Variants in WDR76 observed in about 807,000 individuals in gnomAD.
The protein encoded by WDR76 is WD repeat domain 76.
In WDR76, 52 loss-of-function variants were observed where a neutral mutation model predicts 70.2. That is an observed-to-expected ratio of 0.74 (90% CI 0.59 to 0.93). The LOEUF is 0.93. Among genes scored for constraint, WDR76 ranks in the 40% least tolerant of loss-of-function variants. The pLI is 0.00. For missense variants in WDR76, 756 were observed against 760.2 expected, an observed-to-expected ratio of 0.99 and a Z score of 0.07; for synonymous variants, 292 against 271.1, an observed-to-expected ratio of 1.08 and a Z score of -0.76.
rs1273730288 is a variant in WDR76, at chr15:43,844,001, AG to A, written c.980del (p.Arg327LysfsTer4). 6.2e-7 allele frequency: 1 copy of A among 1,613,976 alleles called. No homozygotes were observed. Among genetic ancestry groups the A allele is most frequent in the African/African-American group, 1.3e-5 (1 of 75,062 alleles). ...TATGGCTCTCCATCCATCAGAAACT[AG>A]AACTTTGGTAGCAGTTGGGGCCAAA... ...FSMALHPSETRTLVAVGAKFG... is the reference protein window; with the variant it reads ...FSMALHPSETXTLVAVGAKFG... On this transcript the variant is annotated frameshift_variant, in exon 8 of 13. Coordinates refer to ENST00000263795, the MANE Select transcript of WDR76 (RefSeq NM_024908.4). LOFTEE classifies it high-confidence loss of function.
intron 8 of WDR76, among the ~76,000 whole-genome samples, chr15:43,844,686 G>C (rs1687243967): frequency 6.6e-6 from 1 of 151,278 alleles, no homozygotes; most frequent in African/African-American, 2.4e-5. Context: ...GAGGCGGGTG[G>C]ATCACGAAGT....
At chr15:43,848,683 G>A (rs1567188305) in intron 8 of WDR76, among the ~76,000 whole-genome samples, 1 of 152,196 alleles carries the variant, frequency 6.6e-6, no homozygotes, top group African/African-American at 2.4e-5. Context: ...GCTCATGCCT[G>A]TAATCCCAAC....
At chr15:43,839,476 T>C (rs1037566232) in intron 4 of WDR76, 129 bp from the exon 5 acceptor site, 5 of 957,228 alleles carry the variant, frequency 5.2e-6, no homozygotes. Context: ...ATTGTGGCCA[T>C]GTATATATAT....
At chr15:43,858,896 C>A (rs1038944555) in intron 11 of WDR76, 73 bp downstream of exon 11, 14 of 1,524,066 alleles carry the variant, frequency 9.2e-6, no homozygotes, top group Admixed American at 6.1e-5. Flanking sequence ...AAACCAAAAG[C>A]TTTGTTTACT....
At chr15:43,849,090 G>A (rs1048326162) in intron 8 of WDR76, among the ~76,000 whole-genome samples, 15 of 150,840 alleles carry the variant, frequency 9.9e-5, no homozygotes, top group African/African-American at 2.7e-4. Flanking sequence ...CAGGAGAATC[G>A]CTTGAACCTG....
chr15:43,851,123 C>T lies in WDR76; in HGVS notation c.1069C>T (p.His357Tyr). Residue 357 changes from histidine (H) to tyrosine (Y), a missense_variant, in exon 9 of 13, where the codon CAT (histidine) becomes TAT (tyrosine). By Grantham distance (83) the His-to-Tyr change is moderately conservative. Transcript: ENST00000263795. ...QPKEDGVYVF[H>Y]PHSQPVSCLY... ...TAAAGAAGATGGAGTTTATGTTTTT[C>T]ATCCCCATAGTCAGCCAGTTAGCTG... 6.2e-7 allele frequency: 1 copy of T among 1,614,142 alleles called. No individual in the cohort carries two copies. Among genetic ancestry groups the T allele is most frequent in the South Asian group, 1.1e-5 (1 of 91,084 alleles).
chr15:43,854,505 G>GCTCA (rs1450674702), intron 9 of WDR76, among the ~76,000 whole-genome samples: 1 of 152,148 alleles, frequency 6.6e-6, no homozygotes, highest in Non-Finnish European at 1.5e-5. Context: ...GGAAGGGTGA[G>GCTCA]GCTCCAGTAA....
At chr15:43,852,435 G>A (rs1422475868) in intron 9 of WDR76, among the ~76,000 whole-genome samples, 3 of 151,990 alleles carry the variant, frequency 2.0e-5, no homozygotes, top group African/African-American at 4.8e-5. Context: ...GCAGTGGTGC[G>A]ATCTTGGCTC....
intron 10 of WDR76, chr15:43,858,457 G>T: frequency 2.0e-6 from 1 of 491,336 alleles, no homozygotes; most frequent in Non-Finnish European, 3.6e-6. Flanking sequence ...CCATGTTGAG[G>T]CTGGTTTCGA....
chr15:43,840,375 TAAATG>T (rs1384140777), intron 5 of WDR76, among the ~76,000 whole-genome samples: 4 of 152,200 alleles, frequency 2.6e-5, no homozygotes, highest in East Asian at 1.9e-4. Flanking sequence ...ACTGTAAAGA[TAAATG>T]AAATCATATC....
rs5812253 is a variant in WDR76 at position 43,866,622 on chromosome 15, CTTT to C, written c.*249_*251del. The C allele has an allele frequency of 0.052, 6,380 of 123,190 alleles. No individual in the cohort carries two copies. The highest frequency in any genetic ancestry group is 0.086 in the Middle Eastern group (30 of 350). 7.6% of individuals were successfully genotyped at this position (123,190 alleles called of 1,614,324 possible). ...AGGGGAGGCTGAGGTGCCGTCAGGA[CTTT>C]TTTTTTTTTTTTTTTTTTGAGATGG... On this transcript the variant is annotated 3_prime_UTR_variant, in exon 13 of 13. Coordinates refer to ENST00000263795, the MANE Select transcript of WDR76 (RefSeq NM_024908.4).
intron 4 of WDR76, 38 bp downstream of exon 4, chr15:43,836,254 A>G (rs375445806): frequency 1.9e-6 from 3 of 1,579,902 alleles, no homozygotes; most frequent in African/African-American, 1.4e-5. Context: ...ACCATGATAC[A>G]TTGCTCAACT....
intron 12 of WDR76, among the ~76,000 whole-genome samples, chr15:43,863,497 T>G (rs1007286125): frequency 6.6e-6 from 1 of 152,012 alleles, no homozygotes; most frequent in African/African-American, 2.4e-5. Flanking sequence ...TAATAGTTTT[T>G]GACCAACATC....
At chr15:43,841,400 C>T (rs2087724131) in intron 5 of WDR76, among the ~76,000 whole-genome samples, 3 of 151,658 alleles carry the variant, frequency 2.0e-5, no homozygotes, top group Admixed American at 6.6e-5. Flanking sequence ...GGTTTCACTG[C>T]GTTAGCCAGG....
At chr15:43,857,470 AC>A in intron 10 of WDR76, 4 of 985,362 alleles carry the variant, frequency 4.1e-6, no homozygotes, top group Non-Finnish European at 4.8e-6. Context: ...GTTACATGTG[AC>A]CTATAACTTG....
chr15:43,853,841 G>C (rs2087893656), intron 9 of WDR76, among the ~76,000 whole-genome samples: 1 of 148,708 alleles, frequency 6.7e-6, no homozygotes, highest in Non-Finnish European at 1.5e-5. Flanking sequence ...GGGAGGTGGA[G>C]TTTGCAGTGA....
chr15:43,827,888 A>G, intron 1 of WDR76, 77 bp from the exon 2 acceptor site: 1 of 1,377,450 alleles, frequency 7.3e-7, no homozygotes, highest in East Asian at 2.4e-5. Flanking sequence ...GAATTATTAG[A>G]TCTGTTAGGG....
chr15:43,861,225 T>A, intron 11 of WDR76, 108 bp from the exon 12 acceptor site: 1 of 951,642 alleles, frequency 1.1e-6, no homozygotes, highest in Non-Finnish European at 1.7e-6. Context: ...TAAGTGACAG[T>A]TATATATTTC....
intron 5 of WDR76, among the ~76,000 whole-genome samples, chr15:43,841,559 G>A (rs1438632994): frequency 6.6e-6 from 1 of 151,854 alleles, no homozygotes; most frequent in African/African-American, 2.4e-5. Flanking sequence ...AGGCTGGTCT[G>A]GAACTTCTGG....
Sources: allele counts gnomAD v4.1 joint callset (sites outside exome capture counted in the v4.1 genomes callset), GRCh38; gene constraint gnomAD v4.1.1; transcripts MANE v1.5; gene names NCBI Gene and HGNC (gene_info 2026-07-23, HGNC 2026-07-21).